The following ZNF91 variants were observed in gnomAD, a reference collection of about 807,000 sequenced individuals.
ZNF91 encodes the protein zinc finger protein 91 (HPF7, HTF10).
A neutral mutation model predicts 12.6 loss-of-function variants in ZNF91; 7 were observed. The ratio of observed to expected loss-of-function variants is 0.55; its 90% CI spans 0.31 to 1.04. The LOEUF (loss-of-function observed/expected upper bound fraction) is 1.04, where lower values mean the gene tolerates loss of function less well. ZNF91 is among the 50% of genes least tolerant of loss of function. The probability of loss-of-function intolerance (pLI) is 0.05; values close to 1 mark genes in which losing one functional copy is unlikely to be tolerated. For synonymous variants in ZNF91, 453 were observed against 462.6 expected, an observed-to-expected ratio of 0.98 and a Z score of 0.27; for missense variants, 1,217 against 1,385.4, an observed-to-expected ratio of 0.88 and a Z score of 1.93.
At chr19:23,365,421 T>C (rs1434128716) in intron 3 of ZNF91, among the ~76,000 whole-genome samples, 1 of 152,032 alleles carries the variant, frequency 6.6e-6, no homozygotes, top group African/African-American at 2.4e-5. Flanking sequence ...GCCTGAGTAA[T>C]GTGAGACTCT....
chr19:23,319,472 C>G (rs954814188), intron 1 of ZNF91, among the ~76,000 whole-genome samples: 12 of 152,216 alleles, frequency 7.9e-5, no homozygotes, highest in African/African-American at 2.7e-4. Context: ...TCCTTTCTCC[C>G]AGGCCCCAAA....
upstream of ZNF91, among the ~76,000 whole-genome samples, chr19:23,314,402 G>A (rs188069719): frequency 3.5e-4 from 53 of 152,168 alleles, no homozygotes; most frequent in African/African-American, 1.3e-3. Context: ...CAGCCCACAG[G>A]AGATGTGATT....
chr19:23,317,155 C>T lies in ZNF91; in HGVS notation n.117-8058G>A, dbSNP rs866912508. On this transcript the variant is annotated intron_variant and non_coding_transcript_variant, in intron 1 of 1. Coordinates refer to the ZNF91 transcript ENST00000596528. ...CCGCCTCCCGGGTTCATGCCATTCT[C>T]CTGCCTCAGCCTCCCATGTAGCTGG... Among the ~76,000 whole-genome samples, 9 of 152,224 alleles carry T rather than the reference C, an allele frequency of 5.9e-5. 1 individual carries two copies. The Middle Eastern group carries it at 0.014, about 230-fold the overall frequency.
chr19:23,309,760 T>C (rs1967444583), intron 1 of ZNF91, among the ~76,000 whole-genome samples: 1 of 152,194 alleles, frequency 6.6e-6, no homozygotes, highest in Non-Finnish European at 1.5e-5. Context: ...GTTTCCTTTC[T>C]GTATGGAGGT....
chr19:23,391,348 G>A (rs1042321695), intron 1 of ZNF91, among the ~76,000 whole-genome samples: 1 of 152,112 alleles, frequency 6.6e-6, no homozygotes, highest in African/African-American at 2.4e-5. Context: ...GCTACCCTCA[G>A]TCTGAGCCAC....
rs571431268 is a variant in ZNF91 at position 23,327,268 on chromosome 19, G to C, written n.117-18171C>G. Reference sequence around the variant, plus strand: ...AAGAATCATGTGTACTGTTTTAGGAGAACATACTTTACCCTGATACTTTAT... The same window carrying C: ...AAGAATCATGTGTACTGTTTTAGGACAACATACTTTACCCTGATACTTTAT... On this transcript the variant is annotated intron_variant and non_coding_transcript_variant, in intron 1 of 1. Transcript: ENST00000596528. 11 of 152,188 alleles carry C rather than the reference G, an allele frequency of 7.2e-5. No homozygotes were observed. The South Asian group carries it at 2.1e-3, about 29-fold the overall frequency. The allele number at this position is 152,188 out of a possible 1,614,324, so 9.4% of individuals were successfully genotyped here. A position where few individuals can be genotyped will look rare whatever the true frequency, so the allele number is the denominator to read the frequency against.
chr19:23,324,543 ATATG>A (rs531264879), intron 1 of ZNF91: 95 of 151,272 alleles, frequency 6.3e-4, no homozygotes, highest in African/African-American at 2.3e-3. Flanking sequence ...ACGTATATAC[ATATG>A]TATGTATATA....
At chr19:23,348,466 C>T (rs895429577) in intron 3 of ZNF91, among the ~76,000 whole-genome samples, 3 of 152,156 alleles carry the variant, frequency 2.0e-5, no homozygotes, top group African/African-American at 7.2e-5. Context: ...ATCACTTCCC[C>T]AATCAATACT....
At chr19:23,312,702 T>G (rs1410746342), upstream of ZNF91, among the ~76,000 whole-genome samples, 2 of 152,188 alleles carry the variant, frequency 1.3e-5, no homozygotes, top group Non-Finnish European at 2.9e-5. Flanking sequence ...GGAGAGATGT[T>G]GACTCTCATA....
chr19:23,354,432 C>G (rs559151040), downstream of ZNF91, among the ~76,000 whole-genome samples: 75 of 152,154 alleles, frequency 4.9e-4, no homozygotes, highest in South Asian at 0.011. Context: ...TATGATTAAA[C>G]CTCTCAGCAA....
At chr19:23,346,636 G>A (rs1244582065) in intron 3 of ZNF91, among the ~76,000 whole-genome samples, 2 of 152,146 alleles carry the variant, frequency 1.3e-5, no homozygotes, top group Non-Finnish European at 2.9e-5. Flanking sequence ...GTGTGGAGTT[G>A]CAGTAGGTGT....
At chr19:23,394,174 A>T (rs1346598507) in intron 1 of ZNF91, among the ~76,000 whole-genome samples, 3 of 152,128 alleles carry the variant, frequency 2.0e-5, no homozygotes, top group Non-Finnish European at 2.9e-5. Context: ...TGAGGGGTGG[A>T]CTTGAGGCCC....
intron 1 of ZNF91, among the ~76,000 whole-genome samples, chr19:23,386,770 C>T (rs774445193): frequency 1.1e-4 from 16 of 152,026 alleles, no homozygotes; most frequent in Non-Finnish European, 2.2e-4. Flanking sequence ...GATGAAAATA[C>T]CAAAAGCAAT....
At chr19:23,339,537 C>T (rs1236468108) in intron 3 of ZNF91, 1 of 152,108 alleles carries the variant, frequency 6.6e-6, no homozygotes, top group African/African-American at 2.4e-5. Context: ...CCTACTTAGA[C>T]CACAGTAGAA....
At chr19:23,335,646 G>T (rs1967993176), downstream of ZNF91, among the ~76,000 whole-genome samples, 1 of 152,186 alleles carries the variant, frequency 6.6e-6, no homozygotes, top group Non-Finnish European at 1.5e-5. Flanking sequence ...ATAATCTCCT[G>T]GTGTGCCGTT....
Position 23,395,435 on chromosome 19 carries a change from A to G in ZNF91, c.-81T>C. On this transcript the variant is annotated 5_prime_UTR_variant, in exon 1 of 4. Coordinates refer to ENST00000300619, the MANE Select transcript of ZNF91 (RefSeq NM_003430.4). ...CTGGAGCAGAGGACACAGAGCAGTG[A>G]AGTCGAGACCTGGAAACTCCGGCGG... 1.3e-6 allele frequency: 2 copies of G among 1,550,716 alleles called. No individual in the cohort carries two copies. Among genetic ancestry groups the G allele is most frequent in the Non-Finnish European group, 1.8e-6 (2 of 1,137,772 alleles).
At chr19:23,370,203 C>T (rs1007309146) in intron 3 of ZNF91, among the ~76,000 whole-genome samples, 1 of 151,318 alleles carries the variant, frequency 6.6e-6, no homozygotes, top group Non-Finnish European at 1.5e-5. Flanking sequence ...TTTGATACAA[C>T]GGAGTATTAT....
At chr19:23,354,344 A>T (rs8109526), downstream of ZNF91, among the ~76,000 whole-genome samples, 28,633 of 152,134 alleles carry the variant, frequency 0.19, 2,915 homozygotes, top group Non-Finnish European at 0.21. Context: ...TACACCACAT[A>T]AATAGAATTG....
At chr19:23,379,241 G>A (rs1392379156) in intron 1 of ZNF91, among the ~76,000 whole-genome samples, 1 of 152,164 alleles carries the variant, frequency 6.6e-6, no homozygotes, top group African/African-American at 2.4e-5. Flanking sequence ...TGCATATTTA[G>A]GTGACAGCAC....
Sources: gnomAD v4.1 joint callset for allele counts (sites outside exome capture counted in the v4.1 genomes callset) on GRCh38, gnomAD v4.1.1 for gene constraint, MANE v1.5 for transcripts, NCBI Gene and HGNC (gene_info 2026-07-23, HGNC 2026-07-21) for gene names.